Variants in LHX9 observed in about 807,000 individuals in gnomAD.
The protein encoded by LHX9 is LIM/homeobox protein Lhx9.
LHX9 carries 9 observed loss-of-function variants against 36.5 expected under a neutral mutation model. The ratio of observed to expected loss-of-function variants is 0.25; its 90% CI spans 0.15 to 0.43. The LOEUF (loss-of-function observed/expected upper bound fraction) is 0.43. Among genes scored for constraint, LHX9 ranks in the 20% least tolerant of loss-of-function variants. The probability of loss-of-function intolerance (pLI) is 1.00; values close to 1 mark genes in which losing one functional copy is unlikely to be tolerated. For synonymous variants in LHX9, 211 were observed against 212.1 expected, an observed-to-expected ratio of 0.99 and a Z score of 0.04; for missense variants, 464 against 526.4, an observed-to-expected ratio of 0.88 and a Z score of 1.16.
upstream of LHX9, chr1:197,912,897 T>A (rs1659657295): frequency 5.5e-6 from 2 of 365,142 alleles, no homozygotes; most frequent in Non-Finnish European, 9.9e-6. Context: ...TCCGGGGAGC[T>A]GCTGGGGGTG....
intron 4 of LHX9, among the ~76,000 whole-genome samples, chr1:197,928,126 T>C (rs753325906): frequency 4.6e-5 from 7 of 152,212 alleles, no homozygotes; most frequent in Admixed American, 1.3e-4. Flanking sequence ...ATTAATATTA[T>C]GCTCAGTGCA....
chr1:197,929,956 T>A lies in LHX9; in HGVS notation c.*697T>A. 1.0e-6 allele frequency: 1 copy of A among 983,840 alleles called. No homozygotes were observed. Among genetic ancestry groups the A allele is most frequent in the Non-Finnish European group, 1.2e-6 (1 of 828,344 alleles). The allele number at this position is 983,840 out of a possible 1,614,324, so 60.9% of individuals were successfully genotyped here. On this transcript the variant is annotated 3_prime_UTR_variant, in exon 5 of 5. Transcript: ENST00000367387. ...TTACTTGGTTATTTGTTTTTCAACA[T>A]TTGAAAAATACTTAAGCTCCCTATG...
Position 197,921,278 on chromosome 1 carries a change from G to T in LHX9, c.378-26G>T. 1.9e-6 allele frequency: 3 copies of T among 1,586,232 alleles called. No individual in the cohort carries two copies. Among genetic ancestry groups the T allele is most frequent in the Non-Finnish European group, 2.6e-6 (3 of 1,163,658 alleles). Reference sequence around the variant, plus strand: ...ATGGCTCTGCCTTGCTTCAACTAGCGCCCTGACTCAACTCTTTCCTTCCAG... The same window carrying T: ...ATGGCTCTGCCTTGCTTCAACTAGCTCCCTGACTCAACTCTTTCCTTCCAG... On this transcript the variant is annotated intron_variant, in intron 2 of 4. Transcript: ENST00000367387. This position sits in a 1 kb window ranked among gnomAD's most constrained non-coding sequence, Gnocchi z 4.6.
intron 3 of LHX9, among the ~76,000 whole-genome samples, chr1:197,925,153 T>C (rs1461947782): frequency 6.6e-6 from 1 of 151,136 alleles, no homozygotes; most frequent in Non-Finnish European, 1.5e-5. Context: ...GGATTGTGTA[T>C]TTTATGTGGA....
In LHX9 at chr1:197,917,576, C is replaced by G; in HGVS notation, c.-248C>G. On this transcript the variant is annotated 5_prime_UTR_variant, in exon 1 of 5. Coordinates refer to ENST00000367387, the MANE Select transcript of LHX9 (RefSeq NM_020204.3). ...CGCCTTCTACGCCTCTTTTTCCCTC[C>G]GCCCGAATTGTTTGTTTTCTGCACA... 6.7e-7 allele frequency: 1 copy of G among 1,494,764 alleles called. No individual in the cohort carries two copies. The highest frequency in any genetic ancestry group is 9.0e-7 in the Non-Finnish European group (1 of 1,114,672). 92.6% of individuals were successfully genotyped at this position (1,494,764 alleles called of 1,614,324 possible).
Position 197,920,148 on chromosome 1 carries a change from C to T in LHX9, c.351C>T (p.Ser117=). ...SELTCFAKDG[S]IYCKEDYYRR... ...TCACCTGCTTTGCCAAGGACGGTAG[C>T]ATTTACTGCAAGGAGGATTACTACA... is the stretch of plus-strand genomic sequence containing the variant. The change falls in exon 2 of 5, where the codon AGC becomes AGT. Residue 117 remains serine (S), a synonymous_variant. Coordinates refer to ENST00000367387, the MANE Select transcript of LHX9 (RefSeq NM_020204.3). 4.3e-6 allele frequency: 7 copies of T among 1,614,240 alleles called. No individual in the cohort carries two copies. The highest frequency in any genetic ancestry group is 5.9e-6 in the Non-Finnish European group (7 of 1,180,036).
Position 197,934,607 on chromosome 1 carries a change from G to A in LHX9, c.*5348G>A, listed in dbSNP as rs1236575636. On this transcript the variant is annotated 3_prime_UTR_variant, in exon 5 of 5. Transcript: ENST00000367387. ...AGCACAGTAGGACTTAGTCCAAATTGACGAAATATCATTGAATTTTCTTTG... is the reference window on the plus strand; with the variant it reads ...AGCACAGTAGGACTTAGTCCAAATTAACGAAATATCATTGAATTTTCTTTG... 6.6e-6 allele frequency: 1 copy of A among 152,028 alleles called. No individual in the cohort carries two copies. Among genetic ancestry groups the A allele is most frequent in the East Asian group, 1.9e-4 (1 of 5,194 alleles). 9.4% of individuals were successfully genotyped at this position (152,028 alleles called of 1,614,324 possible). A position where few individuals can be genotyped will look rare whatever the true frequency, so the allele number is the denominator to read the frequency against.
intron 1 of LHX9, among the ~76,000 whole-genome samples, chr1:197,919,275 CAA>C (rs1222892742): frequency 6.6e-6 from 1 of 152,196 alleles, no homozygotes; most frequent in Non-Finnish European, 1.5e-5. Context: ...ATTTTCAAGA[CAA>C]AGGTCTCAGT....
rs543827993 is a variant in LHX9, at chr1:197,932,732, A to G, written c.*3473A>G. 7 of 152,172 alleles carry G rather than the reference A, an allele frequency of 4.6e-5. No homozygotes were observed. The highest frequency in any genetic ancestry group is 2.1e-4 in the South Asian group (1 of 4,828). The allele number at this position is 152,172 out of a possible 1,614,324, so 9.4% of individuals were successfully genotyped here. A position where few individuals can be genotyped will look rare whatever the true frequency, so the allele number is the denominator to read the frequency against. ...TTAAATTCTGGTAATCTAGGATAAA[A>G]TTACTTACTTGGTTTTTACCTTTTC... On this transcript the variant is annotated 3_prime_UTR_variant, in exon 5 of 5. Transcript: ENST00000367387.
Position 197,917,978 on chromosome 1 carries a change from A to G in LHX9, c.155A>G (p.Gln52Arg). The G allele has an allele frequency of 1.2e-6, 2 of 1,613,434 alleles. No homozygotes were observed. Among genetic ancestry groups the G allele is most frequent in the Non-Finnish European group, 1.7e-6 (2 of 1,179,688 alleles). ...GAGGCCCGTCTGGCCAAAGGCGCCC[A>G]GCTCAACGGCCGCGACGCGGTAAGG... ...KTEARLAKGAQLNGRDAGMPP... is the reference protein window; with the variant it reads ...KTEARLAKGARLNGRDAGMPP... The change falls in exon 1 of 5, where the codon CAG becomes CGG. Residue 52 changes from glutamine to arginine, a missense_variant. Physicochemically the swap from Gln to Arg is conservative, Grantham distance 43 (BLOSUM62 1). Transcript: ENST00000367387.
rs181717763 is a variant in LHX9, at chr1:197,934,976, G to A, written c.*5717G>A. 7.4e-4 allele frequency: 112 copies of A among 152,146 alleles called. 1 individual carries two copies. Among genetic ancestry groups the A allele is most frequent in the African/African-American group, 2.7e-3 (111 of 41,524 alleles). The allele number at this position is 152,146 out of a possible 1,614,324, so 9.4% of individuals were successfully genotyped here. A position where few individuals can be genotyped will look rare whatever the true frequency, so the allele number is the denominator to read the frequency against. ...TTTTATGAGGTTCCCTGGCAGTTGG[G>A]GGGGTGGTGAGGTTGGGAGAGGGAA... On this transcript the variant is annotated 3_prime_UTR_variant, in exon 5 of 5. Coordinates refer to ENST00000367387, the MANE Select transcript of LHX9 (RefSeq NM_020204.3).
At chr1:197,919,919 C>A in intron 1 of LHX9, 53 bp from the exon 2 acceptor site, 2 of 1,584,044 alleles carry the variant, frequency 1.3e-6, no homozygotes, top group Middle Eastern at 1.9e-4. Flanking sequence ...AACCCCGCGT[C>A]GTGCGGCTAC....
rs1659831665 is a variant in LHX9 at position 197,918,016 on chromosome 1, G to A, written c.174+19G>A. The A allele has an allele frequency of 1.2e-6, 2 of 1,603,662 alleles. No individual in the cohort carries two copies. The highest frequency in any genetic ancestry group is 1.7e-5 in the Admixed American group (1 of 57,362). On this transcript the variant is annotated intron_variant, in intron 1 of 4. Coordinates refer to ENST00000367387, the MANE Select transcript of LHX9 (RefSeq NM_020204.3). ...CGACGCGGTAAGGAAGGGCTCCGCC[G>A]CGGCGGTAGCCGGGCACCCCTGCGC...
Position 197,917,700 on chromosome 1 carries a change from T to G in LHX9, c.-124T>G. 6.3e-7 allele frequency: 1 copy of G among 1,581,018 alleles called. No homozygotes were observed. Among genetic ancestry groups the G allele is most frequent in the South Asian group, 1.2e-5 (1 of 85,280 alleles). The stretch of plus-strand genomic sequence containing the variant: ...CAGACCGATTTCCACTCCATCTGTT[T>G]CTTCTCCTCCTTTCTCTCCCTCTTT... On this transcript the variant is annotated 5_prime_UTR_variant, in exon 1 of 5. Coordinates refer to ENST00000367387, the MANE Select transcript of LHX9 (RefSeq NM_020204.3).
upstream of LHX9, chr1:197,912,656 G>A: frequency 1.6e-6 from 2 of 1,231,090 alleles, no homozygotes; most frequent in Non-Finnish European, 2.4e-6. Context: ...CCTTCGTTGG[G>A]TGGAACGAAG....
intron 4 of LHX9, among the ~76,000 whole-genome samples, 154 bp downstream of exon 4, chr1:197,927,947 G>T (rs1281595453): frequency 2.6e-5 from 4 of 152,160 alleles, no homozygotes; most frequent in Non-Finnish European, 5.9e-5. Flanking sequence ...CTGAGATTTT[G>T]CAGGGGCTTC....
chr1:197,919,975 A>T lies in LHX9; in HGVS notation c.178A>T (p.Met60Leu), dbSNP rs1659918515. The change falls in exon 2 of 5, where the codon ATG becomes TTG. Residue 60 changes from methionine (M) to leucine (L), a missense_variant. Transcript: ENST00000367387. ...GAQLNGRDAG[M>L]PPLSPEKPAL... Reference sequence around the variant, plus strand: ...TTGCGGTGTGCTTTCTTTGCAGGGCATGCCCCCGCTCAGCCCGGAGAAGCC... The same window carrying T: ...TTGCGGTGTGCTTTCTTTGCAGGGCTTGCCCCCGCTCAGCCCGGAGAAGCC... 1 of 1,613,974 alleles carries T rather than the reference A, an allele frequency of 6.2e-7. No homozygotes were observed.
upstream of LHX9, chr1:197,916,674 G>C (rs983575003): frequency 4.3e-6 from 3 of 702,748 alleles, no homozygotes; most frequent in African/African-American, 5.2e-5. Context: ...AAGTAACCCT[G>C]AGAAATGCAG....
Position 197,934,827 on chromosome 1 carries a change from T to A in LHX9, c.*5568T>A, listed in dbSNP as rs1660411837. On this transcript the variant is annotated 3_prime_UTR_variant, in exon 5 of 5. Coordinates refer to ENST00000367387, the MANE Select transcript of LHX9 (RefSeq NM_020204.3). ...TTGATTTTAAACATTTTAATAATAG[T>A]GCTCTGCCCTCACAACAGTTTTTTT... The A allele has an allele frequency of 6.6e-6, 1 of 152,064 alleles. No individual in the cohort carries two copies. The highest frequency in any genetic ancestry group is 6.6e-5 in the Admixed American group (1 of 15,250). 9.4% of individuals were successfully genotyped at this position (152,064 alleles called of 1,614,324 possible).
Sources: allele counts gnomAD v4.1 joint callset (sites outside exome capture counted in the v4.1 genomes callset), GRCh38; gene constraint gnomAD v4.1.1; non-coding constraint Gnocchi (gnomAD v3.1); transcripts MANE v1.5; gene names NCBI Gene and HGNC (gene_info 2026-07-23, HGNC 2026-07-21).